Variants in P2RY14 observed in about 807,000 individuals in gnomAD.
The protein encoded by P2RY14 is purinergic receptor P2Y14, also known as P2Y purinoceptor 14.
P2RY14 carries 2 observed loss-of-function variants against 0.9 expected under a neutral mutation model. The ratio of observed to expected loss-of-function variants is 2.16; its 90% CI spans 0.88 to 6.79. The LOEUF (loss-of-function observed/expected upper bound fraction) is 6.79, where lower values mean the gene tolerates loss of function less well. Among genes scored for constraint, P2RY14 ranks in the 30% most tolerant of loss-of-function variants. The probability of loss-of-function intolerance (pLI) is 0.05; values close to 1 mark genes in which losing one functional copy is unlikely to be tolerated. For missense variants in P2RY14, 378 were observed against 400.1 expected (o/e 0.94, Z 0.47); for synonymous variants, 158 against 147.2 (o/e 1.07, Z -0.53).
chr3:151,240,114 A>G (rs12639390), intron 1 of P2RY14, among the ~76,000 whole-genome samples: 45,740 of 151,454 alleles, frequency 0.3, 7,035 homozygotes, highest in Non-Finnish European at 0.32. Context: ...TCCAGGCTCC[A>G]TAACTGTCAG....
chr3:151,237,351 T>TTTC (rs371571895), intron 1 of P2RY14, among the ~76,000 whole-genome samples: 7 of 8,474 alleles, frequency 8.3e-4, no homozygotes, highest in Admixed American at 1.7e-3. Flanking sequence ...TTTTTTTTTC[T>TTTC]TTTTTTTTTT....
intron 1 of P2RY14, among the ~76,000 whole-genome samples, chr3:151,239,619 T>A (rs186605721): frequency 1.2e-4 from 18 of 152,322 alleles, no homozygotes; most frequent in Admixed American, 1.1e-3. Context: ...CAATTTTAAT[T>A]TCTAAAATAA....
At chr3:151,239,076 G>A (rs893404108) in intron 1 of P2RY14, among the ~76,000 whole-genome samples, 5 of 152,122 alleles carry the variant, frequency 3.3e-5, no homozygotes, top group African/African-American at 4.8e-5. Flanking sequence ...GTAGCTTTCC[G>A]GTATTGACAC....
At chr3:151,262,928 C>T (rs60347134) in intron 1 of P2RY14, among the ~76,000 whole-genome samples, 6 of 152,218 alleles carry the variant, frequency 3.9e-5, no homozygotes, top group African/African-American at 1.2e-4. Flanking sequence ...CCTGAAGACA[C>T]GTAGCTGGTA....
intron 1 of P2RY14, among the ~76,000 whole-genome samples, chr3:151,220,507 T>G (rs532882308): frequency 6.6e-6 from 1 of 152,182 alleles, no homozygotes; most frequent in Non-Finnish European, 1.5e-5. Context: ...TCTCATCTTG[T>G]AGCTCCCGTA....
chr3:151,233,799 G>A (rs1022495937), intron 1 of P2RY14, among the ~76,000 whole-genome samples: 6 of 152,226 alleles, frequency 3.9e-5, no homozygotes, highest in Non-Finnish European at 1.5e-5. Context: ...TTCTTGGATC[G>A]TTCCTGTTCC....
chr3:151,236,808 T>C (rs1732915394), intron 1 of P2RY14, among the ~76,000 whole-genome samples: 1 of 152,232 alleles, frequency 6.6e-6, no homozygotes, highest in Non-Finnish European at 1.5e-5. Flanking sequence ...TAAGTATTGC[T>C]ATAATTAATT....
chr3:151,242,310 C>T (rs56253824), intron 1 of P2RY14, among the ~76,000 whole-genome samples: 67,936 of 152,020 alleles, frequency 0.45, 15,984 homozygotes, highest in Middle Eastern at 0.61. Flanking sequence ...TAGGCTCCAC[C>T]TCTGGGGGCA....
chr3:151,240,165 G>A (rs1389795902), intron 1 of P2RY14, among the ~76,000 whole-genome samples: 4 of 152,106 alleles, frequency 2.6e-5, no homozygotes, highest in African/African-American at 9.7e-5. Flanking sequence ...CCGTTTTTTA[G>A]AGTGTAGATT....
At chr3:151,243,993 A>G (rs961285297) in intron 1 of P2RY14, among the ~76,000 whole-genome samples, 1 of 140,044 alleles carries the variant, frequency 7.1e-6, no homozygotes, top group Non-Finnish European at 1.6e-5. Flanking sequence ...CAGACTTTAA[A>G]CCAACAAAGA....
intron 1 of P2RY14, among the ~76,000 whole-genome samples, chr3:151,255,133 A>G (rs1737581738): frequency 6.6e-6 from 1 of 152,212 alleles, no homozygotes; most frequent in Non-Finnish European, 1.5e-5. Context: ...AGGCAGGCTG[A>G]AGATTGACTT....
At chr3:151,270,600 G>A (rs1308387196) in intron 1 of P2RY14, among the ~76,000 whole-genome samples, 1 of 152,136 alleles carries the variant, frequency 6.6e-6, no homozygotes, top group African/African-American at 2.4e-5. Context: ...TTGCCAACAT[G>A]TATCTGTCTA....
At chr3:151,229,075 T>C (rs546173626) in intron 1 of P2RY14, among the ~76,000 whole-genome samples, 1 of 152,280 alleles carries the variant, frequency 6.6e-6, no homozygotes, top group African/African-American at 2.4e-5. Context: ...TAGCTGAATA[T>C]CAACCACTTG....
At chr3:151,238,113 G>A (rs994931029) in intron 1 of P2RY14, among the ~76,000 whole-genome samples, 9 of 151,588 alleles carry the variant, frequency 5.9e-5, no homozygotes, top group African/African-American at 2.2e-4. Context: ...CTGTCCTAAA[G>A]TTTAGAACAG....
At chr3:151,229,552 C>T (rs1452178236) in intron 1 of P2RY14, among the ~76,000 whole-genome samples, 2 of 140,982 alleles carry the variant, frequency 1.4e-5, no homozygotes, top group South Asian at 2.3e-4. Context: ...GATCTTGGCT[C>T]ACTGCAAGAT....
intron 1 of P2RY14, among the ~76,000 whole-genome samples, chr3:151,233,214 C>T (rs947499045): frequency 3.3e-5 from 5 of 152,310 alleles, no homozygotes; most frequent in Admixed American, 3.3e-4. Flanking sequence ...CACAGGGTAG[C>T]ACTCTCGTGC....
chr3:151,219,206 G>A (rs1728838995), intron 2 of P2RY14, among the ~76,000 whole-genome samples: 1 of 152,174 alleles, frequency 6.6e-6, no homozygotes, highest in South Asian at 2.1e-4. Flanking sequence ...TTAGGATTGT[G>A]CTGCATGAAG....
rs750563526 is a variant in P2RY14, at chr3:151,213,505, T to C, written c.812A>G (p.Glu271Gly). The change falls in exon 3 of 3, where the codon GAA becomes GGA. Residue 271 changes from glutamate (E) to glycine (G), a missense_variant. Glu to Gly is a moderately conservative substitution (Grantham distance 98). Transcript: ENST00000309170. Reference protein sequence around the residue: ...TEAHYSCQSKEILRYMKEFTL... With the variant: ...TEAHYSCQSKGILRYMKEFTL... ...GAATTCTTTCATATACCGCAAGATTTCTTTTGACTGGCAGCTGTAATGAGC... is the reference window on the plus strand; with the variant it reads ...GAATTCTTTCATATACCGCAAGATTCCTTTTGACTGGCAGCTGTAATGAGC... 2 of 1,614,156 alleles carry C rather than the reference T, an allele frequency of 1.2e-6. No individual in the cohort carries two copies.
At chr3:151,227,457 T>C (rs1559904371) in intron 1 of P2RY14, among the ~76,000 whole-genome samples, 2 of 152,360 alleles carry the variant, frequency 1.3e-5, no homozygotes, top group East Asian at 3.9e-4. Context: ...ACTGATAACG[T>C]CCAAACATAG....
Sources: allele counts gnomAD v4.1 joint callset (sites outside exome capture counted in the v4.1 genomes callset), GRCh38; gene constraint gnomAD v4.1.1; transcripts MANE v1.5; gene names NCBI Gene and HGNC (gene_info 2026-07-23, HGNC 2026-07-21).